The following CEP41 variants were observed in gnomAD, a reference collection of about 807,000 sequenced individuals.
CEP41 encodes centrosomal protein of 41 kDa.
In CEP41, 32 loss-of-function variants were observed where a neutral mutation model predicts 44.3. That is an observed-to-expected ratio of 0.72 (90% CI 0.54 to 0.97). The LOEUF (loss-of-function observed/expected upper bound fraction) is 0.97. Among genes scored for constraint, CEP41 ranks in the 50% least tolerant of loss-of-function variants. CEP41 has a pLI of 0.00. For missense variants in CEP41, 432 were observed against 455.2 expected (o/e 0.95, Z 0.46); for synonymous variants, 151 against 168.5 (o/e 0.90, Z 0.80).
chr7:130,421,730 G>T, intron 2 of CEP41: 1 of 1,186,288 alleles, frequency 8.4e-7, no homozygotes, highest in Non-Finnish European at 1.0e-6. Flanking sequence ...GAAAGCTAAA[G>T]AAATTGGAAA....
chr7:130,436,137 G>C (rs1014141776), intron 1 of CEP41, among the ~76,000 whole-genome samples: 10 of 152,202 alleles, frequency 6.6e-5, no homozygotes, highest in African/African-American at 2.2e-4. Context: ...CTGGGTGATA[G>C]AGTGAGACTC....
Position 130,396,225 on chromosome 7 carries a change from G to A in CEP41, c.*2666C>T, listed in dbSNP as rs567737975. 19 of 453,892 alleles carry A rather than the reference G, an allele frequency of 4.2e-5. No homozygotes were observed. Among genetic ancestry groups the A allele is most frequent in the Non-Finnish European group, 7.5e-5 (17 of 226,782 alleles). 28.1% of individuals were successfully genotyped at this position (453,892 alleles called of 1,614,324 possible). Reference sequence around the variant, plus strand: ...CATCGATGAAGCACCTTCTGTCTCAGGGTTCACAAGCCCCAGACAAGGGCA... The same window carrying A: ...CATCGATGAAGCACCTTCTGTCTCAAGGTTCACAAGCCCCAGACAAGGGCA... On this transcript the variant is annotated 3_prime_UTR_variant, in exon 11 of 11. Transcript: ENST00000223208.
chr7:130,398,955 G>C lies in CEP41; in HGVS notation c.1058C>G (p.Pro353Arg). ...RSAQNLPGGG[P>R]ASHSNPRSLS... ...GGAGCGGGGGTTTGAGTGGCTGGCGGGGCCGCCACCTGGCAGATTCTGAGC... is the reference window on the plus strand; with the variant it reads ...GGAGCGGGGGTTTGAGTGGCTGGCGCGGCCGCCACCTGGCAGATTCTGAGC... Residue 353 changes from proline to arginine, a missense_variant, in exon 11 of 11, where the codon CCC becomes CGC. Pro to Arg is a moderately radical substitution (Grantham distance 103). Transcript: ENST00000223208. 1 of 1,614,204 alleles carries C rather than the reference G, an allele frequency of 6.2e-7. No individual in the cohort carries two copies. The highest frequency in any genetic ancestry group is 8.5e-7 in the Non-Finnish European group (1 of 1,180,028).
rs1338957438 is a variant in CEP41 at position 130,438,703 on chromosome 7, C to T, written c.33+2231G>A. Among the ~76,000 whole-genome samples, 5 of 152,286 alleles carry T rather than the reference C, an allele frequency of 3.3e-5. No homozygotes were observed. In the South Asian group the frequency reaches 1.0e-3, roughly 32 times the overall value. ...TGACCATGTCACTCCTTTAATAACT[C>T]AAAAAATTTCTCAAATCCTGACCAG... On this transcript the variant is annotated intron_variant, in intron 1 of 10. Coordinates refer to ENST00000223208, the MANE Select transcript of CEP41 (RefSeq NM_018718.3).
Position 130,398,430 on chromosome 7 carries a change from T to G in CEP41, c.*461A>C, listed in dbSNP as rs1554415820. 1 of 454,042 alleles carries G rather than the reference T, an allele frequency of 2.2e-6. No homozygotes were observed. The highest frequency in any genetic ancestry group is 2.3e-5 in the Admixed American group (1 of 42,554). 28.1% of individuals were successfully genotyped at this position (454,042 alleles called of 1,614,324 possible). The stretch of plus-strand genomic sequence containing the variant: ...GCTCATCTGCACCCTTGGAAACAGC[T>G]TCTCACACCAAGACTGCCCGGAGAA... On this transcript the variant is annotated 3_prime_UTR_variant, in exon 11 of 11. Transcript: ENST00000223208.
Position 130,412,230 on chromosome 7 carries a change from G to A in CEP41, c.156C>T (p.Tyr52=), listed in dbSNP as rs1425115201. 4 of 1,514,018 alleles carry A rather than the reference G, an allele frequency of 2.6e-6. No individual in the cohort carries two copies. The highest frequency in any genetic ancestry group is 3.7e-6 in the Non-Finnish European group (4 of 1,089,206). The allele number at this position is 1,514,018 out of a possible 1,614,324, so 93.8% of individuals were successfully genotyped here. The change falls in exon 4 of 11, where the codon TAC becomes TAT. Residue 52 remains tyrosine (Y), a synonymous_variant. Coordinates refer to ENST00000223208, the MANE Select transcript of CEP41 (RefSeq NM_018718.3). ...KLEEIKKNYR[Y]KKDELFKRLK... is the part of the protein sequence containing the mutation. Reference sequence around the variant, plus strand: ...GTCTCTTGAAAAGCTCATCTTTTTTGTATCTATAATCTGAAAAATATGGTA... The same window carrying A: ...GTCTCTTGAAAAGCTCATCTTTTTTATATCTATAATCTGAAAAATATGGTA...
At chr7:130,422,056 T>C in intron 2 of CEP41, 1 of 1,533,670 alleles carries the variant, frequency 6.5e-7, no homozygotes, top group Non-Finnish European at 8.7e-7. Context: ...CTGAGATTTC[T>C]AGCCATGGCT....
intron 1 of CEP41, among the ~76,000 whole-genome samples, chr7:130,433,154 CATT>C (rs1472623770): frequency 1.3e-5 from 2 of 152,052 alleles, no homozygotes; most frequent in Admixed American, 6.5e-5. Context: ...CACACCAGGA[CATT>C]GTTGACGGCC....
chr7:130,422,712 C>T (rs1402336832), intron 2 of CEP41, among the ~76,000 whole-genome samples: 1 of 152,170 alleles, frequency 6.6e-6, no homozygotes, highest in Non-Finnish European at 1.5e-5. Flanking sequence ...TTCTCTCCCA[C>T]ACTGACTTTA....
intron 10 of CEP41, 71 bp downstream of exon 10, chr7:130,399,968 G>A: frequency 9.5e-7 from 1 of 1,053,022 alleles, no homozygotes; most frequent in Non-Finnish European, 1.5e-6. Context: ...AAGAGATGAA[G>A]GTTTTCATAT....
At chr7:130,416,828 G>A in intron 3 of CEP41, 91 bp downstream of exon 3, 4 of 1,001,524 alleles carry the variant, frequency 4.0e-6, no homozygotes, top group Non-Finnish European at 6.4e-6. Flanking sequence ...CTCTGTGCCT[G>A]TCACCTGTGG....
chr7:130,441,667 A>C (rs1798174685), upstream of CEP41, among the ~76,000 whole-genome samples: 1 of 152,208 alleles, frequency 6.6e-6, no homozygotes, highest in Non-Finnish European at 1.5e-5. Context: ...CCTTATGAGA[A>C]AAGCTGCAGT....
chr7:130,428,196 G>T (rs1797720169), intron 1 of CEP41, among the ~76,000 whole-genome samples, 178 bp from the exon 2 acceptor site: 1 of 151,994 alleles, frequency 6.6e-6, no homozygotes, highest in Non-Finnish European at 1.5e-5. Context: ...GGCCGAGGTG[G>T]GTGGATCACC....
chr7:130,424,137 CT>C (rs1176712251), intron 2 of CEP41, among the ~76,000 whole-genome samples: 2 of 152,160 alleles, frequency 1.3e-5, no homozygotes, highest in Non-Finnish European at 2.9e-5. Flanking sequence ...TAGCTCATGC[CT>C]GTAATTTCAG....
At chr7:130,419,290 A>G in intron 2 of CEP41, 1 of 985,428 alleles carries the variant, frequency 1.0e-6, no homozygotes, top group Non-Finnish European at 1.2e-6. Flanking sequence ...AGAATGGAGG[A>G]TTTCTTCCTT....
intron 5 of CEP41, among the ~76,000 whole-genome samples, chr7:130,410,689 C>T (rs973273368): frequency 1.3e-5 from 2 of 152,146 alleles, no homozygotes; most frequent in Admixed American, 1.3e-4. Context: ...TTTTAAAATT[C>T]TGCCACCTTA....
intron 1 of CEP41, among the ~76,000 whole-genome samples, chr7:130,440,020 T>C (rs1554427143): frequency 6.6e-6 from 1 of 152,142 alleles, no homozygotes; most frequent in Non-Finnish European, 1.5e-5. Flanking sequence ...ATTTATTTAT[T>C]GTTTATTTTT....
rs1554414056 is a variant in CEP41 at position 130,395,344 on chromosome 7, C to G, written c.*3547G>C. ...TTAAACTGGTGAATTATATTCCACA[C>G]ATTTGCGGTGTTTCCTGGGGAAAAA... On this transcript the variant is annotated 3_prime_UTR_variant, in exon 11 of 11. Coordinates refer to ENST00000223208, the MANE Select transcript of CEP41 (RefSeq NM_018718.3). 1 of 446,118 alleles carries G rather than the reference C, an allele frequency of 2.2e-6. No homozygotes were observed. 27.6% of individuals were successfully genotyped at this position (446,118 alleles called of 1,614,324 possible). A position where few individuals can be genotyped will look rare whatever the true frequency, so the allele number is the denominator to read the frequency against.
intron 2 of CEP41, chr7:130,419,221 C>G: frequency 2.0e-6 from 2 of 985,372 alleles, no homozygotes; most frequent in Non-Finnish European, 2.4e-6. Context: ...TCTGAGAGGA[C>G]TACTGATGAG....
Sources: allele counts gnomAD v4.1 joint callset (sites outside exome capture counted in the v4.1 genomes callset), GRCh38; gene constraint gnomAD v4.1.1; transcripts MANE v1.5; gene names NCBI Gene and HGNC (gene_info 2026-07-23, HGNC 2026-07-21).